SLC5A1: variants seen among roughly 807,000 people sequenced by gnomAD.
SLC5A1 encodes solute carrier family 5 member 1.
SLC5A1 carries 42 observed loss-of-function variants against 73.5 expected under a neutral mutation model. The ratio of observed to expected loss-of-function variants is 0.57; its 90% CI spans 0.45 to 0.74. SLC5A1 has a LOEUF of 0.74. Ranked by LOEUF, SLC5A1 falls within the 30% of genes least tolerant of loss-of-function variation. The pLI is 0.00. For synonymous variants in SLC5A1, 300 were observed against 317.4 expected (o/e 0.95, Z 0.58); for missense variants, 634 against 855.4 (o/e 0.74, Z 3.23).
At chr22:32,098,674 A>G (rs983107784) in intron 11 of SLC5A1, among the ~76,000 whole-genome samples, 2 of 152,334 alleles carry the variant, frequency 1.3e-5, no homozygotes, top group African/African-American at 2.4e-5. Context: ...AGGCAAAAAA[A>G]GCTTCAAGCA....
At chr22:32,051,321 C>T (rs1345544154) in intron 2 of SLC5A1, among the ~76,000 whole-genome samples, 1 of 152,128 alleles carries the variant, frequency 6.6e-6, no homozygotes, top group African/African-American at 2.4e-5. Context: ...TAATGTGGAG[C>T]TGGTCAGATA....
At chr22:32,097,702 T>C (rs1569315591) in intron 11 of SLC5A1, among the ~76,000 whole-genome samples, 1 of 152,248 alleles carries the variant, frequency 6.6e-6, no homozygotes. Flanking sequence ...GTTTTTACTA[T>C]TTATTAAGTG....
chr22:32,086,038 G>A (rs1383380062), intron 9 of SLC5A1, among the ~76,000 whole-genome samples, 182 bp from the exon 10 acceptor site: 1 of 152,088 alleles, frequency 6.6e-6, no homozygotes, highest in Non-Finnish European at 1.5e-5. Flanking sequence ...CTACTTGGGA[G>A]GCTGAGGCAG....
At chr22:32,078,286 T>G (rs1351453038) in intron 5 of SLC5A1, among the ~76,000 whole-genome samples, 1 of 152,190 alleles carries the variant, frequency 6.6e-6, no homozygotes, top group Admixed American at 6.5e-5. Flanking sequence ...GTTTTTCTTT[T>G]TTTTTGAGCA....
chr22:32,068,369 C>G (rs2093977544), intron 4 of SLC5A1, 127 bp from the exon 5 acceptor site: 6 of 764,774 alleles, frequency 7.8e-6, no homozygotes, highest in Non-Finnish European at 1.4e-5. Flanking sequence ...ACTTCTCTGG[C>G]CAGCAAAAGT....
chr22:32,082,966 A>G lies in SLC5A1; in HGVS notation c.584-108A>G, dbSNP rs112092492. 3.3e-5 allele frequency: 29 copies of G among 885,066 alleles called. 1 individual carries two copies. The African/African-American group carries it at 4.5e-4, about 14-fold the overall frequency. 54.8% of individuals were successfully genotyped at this position (885,066 alleles called of 1,614,324 possible). A position where few individuals can be genotyped will look rare whatever the true frequency, so the allele number is the denominator to read the frequency against. ...GAGAGGCAGGCAAACCACTGTGGGGATGTTCTCAGAAGGCCAGCAGAAGTA... is the reference window on the plus strand; with the variant it reads ...GAGAGGCAGGCAAACCACTGTGGGGGTGTTCTCAGAAGGCCAGCAGAAGTA... On this transcript the variant is annotated intron_variant, in intron 6 of 14. Transcript: ENST00000266088.
At chr22:32,068,804 CT>C (rs1285803719) in intron 5 of SLC5A1, among the ~76,000 whole-genome samples, 1 of 152,012 alleles carries the variant, frequency 6.6e-6, no homozygotes, top group Admixed American at 6.6e-5. Flanking sequence ...GTGGTGCAGG[CT>C]GAAAACACAA....
chr22:32,091,690 C>A lies in SLC5A1; in HGVS notation c.1208C>A (p.Thr403Asn). 6.2e-7 allele frequency: 1 copy of A among 1,614,044 alleles called. No individual in the cohort carries two copies. Among genetic ancestry groups the A allele is most frequent in the Non-Finnish European group, 8.5e-7 (1 of 1,179,946 alleles). The change falls in exon 11 of 15, where the codon ACC (threonine) becomes AAC (asparagine). Residue 403 changes from threonine (T) to asparagine (N), a missense_variant. Around this residue, in one of 3 missense-constraint regions of SLC5A1, gnomAD observed 422 missense variants for 626.1 expected, o/e 0.67. Transcript: ENST00000266088. Reference sequence around the variant, plus strand: ...ACCTCCATCTTCAACAGCGCCAGCACCCTCTTCACCATGGACATCTACGCC... The same window carrying A: ...ACCTCCATCTTCAACAGCGCCAGCAACCTCTTCACCATGGACATCTACGCC... Reference protein sequence around the residue: ...SLTSIFNSASTLFTMDIYAKV... With the variant: ...SLTSIFNSASNLFTMDIYAKV...
chr22:32,105,170 T>C (rs2094043359), intron 14 of SLC5A1, among the ~76,000 whole-genome samples: 1 of 152,136 alleles, frequency 6.6e-6, no homozygotes, highest in Non-Finnish European at 1.5e-5. Context: ...ATGAGGTACG[T>C]GAGATGTTCT....
At chr22:32,106,294 G>T (rs771269348) in intron 14 of SLC5A1, among the ~76,000 whole-genome samples, 14 of 152,138 alleles carry the variant, frequency 9.2e-5, no homozygotes, top group Non-Finnish European at 1.9e-4. Flanking sequence ...TTGTAGTTTT[G>T]ATTTGCATTT....
intron 2 of SLC5A1, among the ~76,000 whole-genome samples, chr22:32,062,457 G>C (rs2093964796): frequency 1.3e-5 from 2 of 152,140 alleles, no homozygotes; most frequent in Non-Finnish European, 2.9e-5. Flanking sequence ...GACCTGTTGG[G>C]TTTGGTCAGA....
At chr22:32,085,546 C>CTTTT (rs35772243) in intron 9 of SLC5A1, among the ~76,000 whole-genome samples, 4 of 119,124 alleles carry the variant, frequency 3.4e-5, no homozygotes, top group East Asian at 2.3e-4. Flanking sequence ...TTGTTTCCTC[C>CTTTT]TTTTTTTTTT....
chr22:32,074,484 A>ACCCTCCTGCTCACGTTCCCTTTCT (rs2093987709), intron 5 of SLC5A1, among the ~76,000 whole-genome samples: 1 of 151,598 alleles, frequency 6.6e-6, no homozygotes, highest in East Asian at 1.9e-4. Flanking sequence ...TACCCTCGTC[A>ACCCTCCTGCTCACGTTCCCTTTCT]CCCTCCTGCT....
In SLC5A1 at chr22:32,092,008, C is replaced by T. The variant is rs191279642; in HGVS notation, c.1280+246C>T. On this transcript the variant is annotated intron_variant, in intron 11 of 14. Coordinates refer to ENST00000266088, the MANE Select transcript of SLC5A1 (RefSeq NM_000343.4). ...TCGTATTTGGTTACATGAGTAAGCT[C>T]TTTAGTGGTGATTTGTGAGATTTTG... is the stretch of plus-strand genomic sequence containing the variant. Among the ~76,000 whole-genome samples, 6 of 152,144 alleles carry T rather than the reference C, an allele frequency of 3.9e-5. No homozygotes were observed. In the East Asian group the frequency reaches 1.2e-3, roughly 29 times the overall value.
chr22:32,082,382 A>G (rs909267773), intron 6 of SLC5A1, among the ~76,000 whole-genome samples: 5 of 152,258 alleles, frequency 3.3e-5, no homozygotes, highest in Admixed American at 2.6e-4. Context: ...TGGGGACCAT[A>G]TAGCTTGATA....
At chr22:32,100,277 T>C (rs532853574) in intron 12 of SLC5A1, among the ~76,000 whole-genome samples, 32 of 152,354 alleles carry the variant, frequency 2.1e-4, no homozygotes, top group Admixed American at 9.1e-4. Context: ...GATCATATCA[T>C]ATGTAAATGA....
At chr22:32,107,877 A>G (rs2094049041) in intron 14 of SLC5A1, among the ~76,000 whole-genome samples, 2 of 152,116 alleles carry the variant, frequency 1.3e-5, no homozygotes. Flanking sequence ...CAACACAAGG[A>G]AGCTTTGCAG....
intron 7 of SLC5A1, among the ~76,000 whole-genome samples, chr22:32,083,825 A>G (rs2094003755): frequency 6.6e-6 from 1 of 151,710 alleles, no homozygotes; most frequent in Non-Finnish European, 1.5e-5. Flanking sequence ...TTTGCTCTCC[A>G]CTCTTCTGTT....
rs62240656 is a variant in SLC5A1, at chr22:32,093,732, A to G, written c.1280+1970A>G. On this transcript the variant is annotated intron_variant, in intron 11 of 14. Coordinates refer to ENST00000266088, the MANE Select transcript of SLC5A1 (RefSeq NM_000343.4). ...GCCAAATTCATTTATCAGTTCTACA[A>G]GCATTTTGGAGGAGTCTTTAGGGTT... Among the ~76,000 whole-genome samples the G allele has an allele frequency of 7.4e-3, 1,123 of 152,278 alleles. 9 individuals are homozygous for G. The highest frequency in any genetic ancestry group is 0.01 in the Non-Finnish European group (711 of 67,996).
Sources: gnomAD v4.1 joint callset for allele counts (sites outside exome capture counted in the v4.1 genomes callset) on GRCh38, gnomAD v4.1.1 for gene constraint, gnomAD v4.1.1 regional missense constraint, MANE v1.5 for transcripts, NCBI Gene and HGNC (gene_info 2026-07-23, HGNC 2026-07-21) for gene names.